The following B4GALNT3 variants were observed in gnomAD, a reference collection of about 807,000 sequenced individuals.
B4GALNT3 encodes beta-1,4-N-acetylgalactosaminyltransferase 3.
Under a neutral mutation model 120.2 loss-of-function variants are expected in B4GALNT3, and 86 were observed. That is an observed-to-expected ratio of 0.72 (90% confidence interval 0.60 to 0.86). The LOEUF is 0.86. Among genes scored for constraint, B4GALNT3 ranks in the 40% least tolerant of loss-of-function variants. The pLI, the probability that B4GALNT3 is intolerant of heterozygous loss-of-function variation, is 0.00. For missense variants in B4GALNT3, 1,167 were observed against 1,298.9 expected (o/e 0.90, Z 1.56); for synonymous variants, 518 against 510.4 (o/e 1.01, Z -0.20).
intron 1 of B4GALNT3, among the ~76,000 whole-genome samples, chr12:476,662 G>T (rs1946188790): frequency 6.6e-6 from 1 of 152,182 alleles, no homozygotes; most frequent in South Asian, 2.1e-4. Context: ...AGAATTGAAT[G>T]TTGATTTGAA....
chr12:520,873 C>T (rs1469449692), intron 1 of B4GALNT3, among the ~76,000 whole-genome samples: 2 of 152,184 alleles, frequency 1.3e-5, no homozygotes, highest in Non-Finnish European at 2.9e-5. Context: ...GAAATACTTG[C>T]ACATTGTCTG....
intron 1 of B4GALNT3, among the ~76,000 whole-genome samples, chr12:518,069 G>A (rs990443190): frequency 4.6e-5 from 7 of 152,174 alleles, no homozygotes; most frequent in Non-Finnish European, 1.0e-4. Flanking sequence ...GGGCTGTTGT[G>A]CATTGGAAAT....
intron 6 of B4GALNT3, 67 bp downstream of exon 6, chr12:545,536 G>C (rs1284060247): frequency 6.9e-7 from 1 of 1,439,494 alleles, no homozygotes; most frequent in Admixed American, 2.0e-5. Flanking sequence ...TCCTCCAGCA[G>C]CTGCTCATTA....
At chr12:487,550 T>A (rs1260097919) in intron 1 of B4GALNT3, among the ~76,000 whole-genome samples, 1 of 151,722 alleles carries the variant, frequency 6.6e-6, no homozygotes, top group Non-Finnish European at 1.5e-5. Flanking sequence ...TGGTTTCTAC[T>A]AAAAATACAA....
At chr12:545,513 C>G (rs1313278096) in intron 6 of B4GALNT3, 44 bp downstream of exon 6, 7 of 1,528,724 alleles carry the variant, frequency 4.6e-6, no homozygotes, top group Non-Finnish European at 6.2e-6. Context: ...GCTCCTGGAG[C>G]CTGTTCATTG....
At chr12:539,371 C>G (rs1390754292) in intron 3 of B4GALNT3, among the ~76,000 whole-genome samples, 2 of 152,158 alleles carry the variant, frequency 1.3e-5, no homozygotes, top group Non-Finnish European at 1.5e-5. Flanking sequence ...ACTCCCCAAA[C>G]CCAAGATAGT....
At chr12:492,352 T>G (rs940822368) in intron 1 of B4GALNT3, among the ~76,000 whole-genome samples, 1 of 152,210 alleles carries the variant, frequency 6.6e-6, no homozygotes, top group Non-Finnish European at 1.5e-5. Context: ...AATTAAAAAC[T>G]CATTAATATT....
chr12:511,308 C>CCTT lies in B4GALNT3; in HGVS notation c.170-23856_170-23854dup, dbSNP rs1210165147. ...TCCACCTTCGACCTTCCACCTTCCA[C>CCTT]CTTCCGCCTTCTGCCTTCCACCTTC... On this transcript the variant is annotated intron_variant, in intron 1 of 19. Transcript: ENST00000266383. Among the ~76,000 whole-genome samples the CCTT allele has an allele frequency of 4.9e-3, 547 of 112,170 alleles. 128 individuals carry two copies. The highest frequency in any genetic ancestry group is 0.018 in the African/African-American group (489 of 26,484). The allele number at this position is 112,170 out of a possible 152,430, so 73.6% of individuals were successfully genotyped here.
intron 1 of B4GALNT3, among the ~76,000 whole-genome samples, chr12:532,659 G>T (rs1278259014): frequency 2.0e-5 from 3 of 152,186 alleles, no homozygotes; most frequent in Admixed American, 1.3e-4. Flanking sequence ...GGGGCGGGGG[G>T]TTCTACTAAA....
chr12:484,948 A>T (rs1006647528), intron 1 of B4GALNT3, among the ~76,000 whole-genome samples: 1 of 152,074 alleles, frequency 6.6e-6, no homozygotes, highest in Non-Finnish European at 1.5e-5. Flanking sequence ...GCTTCAGGAG[A>T]TACAAGGAAG....
intron 1 of B4GALNT3, among the ~76,000 whole-genome samples, chr12:504,040 C>A (rs548734778): frequency 2.0e-5 from 3 of 151,328 alleles, no homozygotes; most frequent in Admixed American, 6.6e-5. Context: ...ACTTGAACCT[C>A]GGAGACAGAG....
chr12:515,578 G>A (rs1946645226), intron 1 of B4GALNT3, among the ~76,000 whole-genome samples: 1 of 152,118 alleles, frequency 6.6e-6, no homozygotes, highest in African/African-American at 2.4e-5. Flanking sequence ...AATGCTAAAT[G>A]TGTTAGCTCT....
At chr12:557,537 G>C in intron 15 of B4GALNT3, 71 bp from the exon 16 acceptor site, 1 of 1,512,318 alleles carries the variant, frequency 6.6e-7, no homozygotes, top group Non-Finnish European at 9.0e-7. Context: ...TGGGAGCTGG[G>C]GGTGGAGGCG....
At chr12:512,163 C>T (rs1946582357) in intron 1 of B4GALNT3, among the ~76,000 whole-genome samples, 1 of 100,828 alleles carries the variant, frequency 9.9e-6, no homozygotes, top group Non-Finnish European at 1.8e-5. Context: ...CTTCCGCCTT[C>T]CACCTTCCGC....
chr12:470,764 A>C (rs1946128344), intron 1 of B4GALNT3, among the ~76,000 whole-genome samples: 1 of 152,032 alleles, frequency 6.6e-6, no homozygotes, highest in Non-Finnish European at 1.5e-5. Context: ...TTTGAGATGG[A>C]GTCTCGCTCT....
intron 1 of B4GALNT3, among the ~76,000 whole-genome samples, chr12:482,173 G>A (rs1009042627): frequency 2.6e-5 from 4 of 152,314 alleles, no homozygotes; most frequent in African/African-American, 7.2e-5. Flanking sequence ...GTTGGATGTT[G>A]CCAGCCCTCA....
chr12:512,892 T>G (rs28808123), intron 1 of B4GALNT3, among the ~76,000 whole-genome samples: 76,226 of 129,484 alleles, frequency 0.59, 23,035 homozygotes, highest in African/African-American at 0.76. Context: ...TTCCACCTTC[T>G]ACCTTCCGCC....
At chr12:510,360 G>A (rs11063334) in intron 1 of B4GALNT3, among the ~76,000 whole-genome samples, 16,973 of 151,842 alleles carry the variant, frequency 0.11, 1,825 homozygotes, top group East Asian at 0.27. Flanking sequence ...AGGGGGTGTG[G>A]CCTTCCTTGG....
chr12:473,975 G>A lies in B4GALNT3; in HGVS notation c.169+13430G>A, dbSNP rs148231315. ...GTCCTAAGACAGATAACTCAGGGCTGGAGGACATGACACCAAAAGGGTGTC... is the reference window on the plus strand; with the variant it reads ...GTCCTAAGACAGATAACTCAGGGCTAGAGGACATGACACCAAAAGGGTGTC... On this transcript the variant is annotated intron_variant, in intron 1 of 19. Coordinates refer to ENST00000266383, the MANE Select transcript of B4GALNT3 (RefSeq NM_173593.4). Among the ~76,000 whole-genome samples the A allele has an allele frequency of 5.0e-3, 755 of 152,276 alleles. 7 individuals carry two copies. Among genetic ancestry groups the A allele is most frequent in the African/African-American group, 0.018 (733 of 41,550 alleles).
Sources: gnomAD v4.1 joint callset for allele counts (sites outside exome capture counted in the v4.1 genomes callset) on GRCh38, gnomAD v4.1.1 for gene constraint, MANE v1.5 for transcripts, NCBI Gene and HGNC (gene_info 2026-07-23, HGNC 2026-07-21) for gene names.